The following C19orf12 variants were observed in gnomAD, a reference collection of about 807,000 sequenced individuals.
The protein encoded by C19orf12 is chromosome 19 open reading frame 12, also known as protein C19orf12.
Under a neutral mutation model 3.8 loss-of-function variants are expected in C19orf12, and 2 were observed. The observed-to-expected ratio is 0.53, with a 90% CI of 0.22 to 1.66. The LOEUF (loss-of-function observed/expected upper bound fraction) is 1.66, where lower values mean the gene tolerates loss of function less well. Ranked by LOEUF, C19orf12 falls within the 40% of genes most tolerant of loss-of-function variation. C19orf12 has a pLI of 0.20. For synonymous variants in C19orf12, 89 were observed against 84.6 expected, an observed-to-expected ratio of 1.05 and a Z score of -0.28; for missense variants, 156 against 188.8, an observed-to-expected ratio of 0.83 and a Z score of 1.02.
At chr19:29,715,294 C>T (rs1972904780), upstream of C19orf12, 2 of 397,532 alleles carry the variant, frequency 5.0e-6, no homozygotes, top group Non-Finnish European at 9.9e-6. Flanking sequence ...TCCGGCTGCG[C>T]CGGGCCTTCC....
intron 2 of C19orf12, 45 bp from the exon 3 acceptor site, chr19:29,703,022 C>T (rs761078102): frequency 2.8e-5 from 45 of 1,612,756 alleles, no homozygotes; most frequent in African/African-American, 1.2e-4. Context: ...TATTCATAAG[C>T]GATGGCCTTA....
chr19:29,712,448 T>C (rs943036933), intron 1 of C19orf12, among the ~76,000 whole-genome samples: 6 of 151,554 alleles, frequency 4.0e-5, no homozygotes, highest in African/African-American at 1.5e-4. Context: ...GAGGCTTGCA[T>C]GGCACTGATA....
At position 29,703,098 on chromosome 19, in the gene C19orf12, C is replaced by T. The variant is rs373456302; in HGVS notation, c.161-121G>A. The stretch of plus-strand genomic sequence containing the variant: ...AGGCACATTCATGAGCGGGCTGCAG[C>T]GGGCTCAGCCGGTGCCACGCCTGCT... On this transcript the variant is annotated intron_variant, in intron 2 of 2. Coordinates refer to ENST00000323670, the MANE Select transcript of C19orf12 (RefSeq NM_031448.6). 822 of 1,332,030 alleles carry T rather than the reference C, an allele frequency of 6.2e-4. 4 individuals carry two copies. The African/African-American group carries it at 0.011, about 17-fold the overall frequency. The allele number at this position is 1,332,030 out of a possible 1,614,324, so 82.5% of individuals were successfully genotyped here.
intron 1 of C19orf12, among the ~76,000 whole-genome samples, chr19:29,711,097 C>T (rs10425808): frequency 0.14 from 17,494 of 129,432 alleles, 1,501 homozygotes; most frequent in East Asian, 0.41. Context: ...TGGAGTGTAG[C>T]GGCGCGATCT....
intron 1 of C19orf12, among the ~76,000 whole-genome samples, chr19:29,713,079 A>G (rs947087280): frequency 6.6e-6 from 1 of 152,224 alleles, no homozygotes; most frequent in Non-Finnish European, 1.5e-5. Flanking sequence ...TAGTAACTCC[A>G]TCTCCTGAGC....
rs1421408924 is a variant in C19orf12, at chr19:29,708,347, C to G, written c.67G>C (p.Ala23Pro). The change falls in exon 2 of 3, where the codon GCG becomes CCG. Residue 23 changes from alanine to proline, a missense_variant. Transcript: ENST00000323670. ...CCCTTCCCAGAGTGCTTGACAGCCGCCTTCATCTTCCTCTCCCCAGAAAGG... is the reference window on the plus strand; with the variant it reads ...CCCTTCCCAGAGTGCTTGACAGCCGGCTTCATCTTCCTCTCCCCAGAAAGG... Reference protein sequence around the residue: ...CSLSGERKMKAAVKHSGKGAL... With the variant: ...CSLSGERKMKPAVKHSGKGAL... The G allele has an allele frequency of 6.2e-7, 1 of 1,614,164 alleles. No individual in the cohort carries two copies. Among genetic ancestry groups the G allele is most frequent in the South Asian group, 1.1e-5 (1 of 91,086 alleles).
chr19:29,702,402 G>A lies in C19orf12; in HGVS notation c.*310C>T. 1 of 574,478 alleles carries A rather than the reference G, an allele frequency of 1.7e-6. No homozygotes were observed. Among genetic ancestry groups the A allele is most frequent in the Non-Finnish European group, 3.3e-6 (1 of 304,866 alleles). 35.6% of individuals were successfully genotyped at this position (574,478 alleles called of 1,614,324 possible). A position where few individuals can be genotyped will look rare whatever the true frequency, so the allele number is the denominator to read the frequency against. On this transcript the variant is annotated 3_prime_UTR_variant, in exon 3 of 3. Transcript: ENST00000323670. ...AGCGTGATCACTTCCCCAGACCCAT[G>A]CGGGTGAGAGGACTCAGCAGACGCC...
Position 29,701,601 on chromosome 19 carries a change from T to G in C19orf12, c.*1111A>C, listed in dbSNP as rs767110273. 4 of 453,882 alleles carry G rather than the reference T, an allele frequency of 8.8e-6. No homozygotes were observed. The highest frequency in any genetic ancestry group is 6.2e-5 in the South Asian group (4 of 64,478). 28.1% of individuals were successfully genotyped at this position (453,882 alleles called of 1,614,324 possible). The stretch of plus-strand genomic sequence containing the variant: ...GACTGTACTGGGGAAATCTTTAGGG[T>G]AGAAACATTTCTTAGAGATGGTTTA... On this transcript the variant is annotated 3_prime_UTR_variant, in exon 3 of 3. Coordinates refer to ENST00000323670, the MANE Select transcript of C19orf12 (RefSeq NM_031448.6).
Position 29,699,863 on chromosome 19 carries a change from A to G in C19orf12, c.*2849T>C. On this transcript the variant is annotated 3_prime_UTR_variant, in exon 3 of 3. Transcript: ENST00000323670. ...ATTTCTACAAAGAAGATACAGATAT[A>G]TAAATACTAAAACCACAGGAGCTGA... 1 of 453,814 alleles carries G rather than the reference A, an allele frequency of 2.2e-6. No individual in the cohort carries two copies. Among genetic ancestry groups the G allele is most frequent in the South Asian group, 1.6e-5 (1 of 64,454 alleles). 28.1% of individuals were successfully genotyped at this position (453,814 alleles called of 1,614,324 possible).
intron 1 of C19orf12, among the ~76,000 whole-genome samples, chr19:29,709,172 A>C (rs1285846293): frequency 6.6e-6 from 1 of 152,260 alleles, no homozygotes; most frequent in East Asian, 1.9e-4. Context: ...AGACAAAGCA[A>C]CTGGAGAAAA....
Position 29,699,712 on chromosome 19 carries a change from CA to C in C19orf12, c.*2999del. The C allele has an allele frequency of 2.2e-6, 1 of 454,048 alleles. No homozygotes were observed. The highest frequency in any genetic ancestry group is 4.4e-6 in the Non-Finnish European group (1 of 226,790). The allele number at this position is 454,048 out of a possible 1,614,324, so 28.1% of individuals were successfully genotyped here. A position where few individuals can be genotyped will look rare whatever the true frequency, so the allele number is the denominator to read the frequency against. On this transcript the variant is annotated 3_prime_UTR_variant, in exon 3 of 3. Transcript: ENST00000323670. ...TTTAAAACAGAGTTAAAGGAATACA[CA>C]TGAAATTGGTAACAGTGGCTGCCTC...
chr19:29,713,629 A>AGCTTTGCTGGTG (rs1972797994), intron 1 of C19orf12, among the ~76,000 whole-genome samples: 1 of 152,208 alleles, frequency 6.6e-6, no homozygotes, highest in Non-Finnish European at 1.5e-5. Flanking sequence ...GGATCCCACC[A>AGCTTTGCTGGTG]GCAAACAGTT....
At chr19:29,708,888 C>T (rs1019380599) in intron 1 of C19orf12, among the ~76,000 whole-genome samples, 3 of 152,180 alleles carry the variant, frequency 2.0e-5, no homozygotes, top group Non-Finnish European at 4.4e-5. Context: ...TGTGACCACA[C>T]GGGCACTGAC....
Position 29,701,598 on chromosome 19 carries a change from G to T in C19orf12, c.*1114C>A, listed in dbSNP as rs1048123. 8.8e-6 allele frequency: 4 copies of T among 453,896 alleles called. No homozygotes were observed. Among genetic ancestry groups the T allele is most frequent in the Admixed American group, 2.4e-5 (1 of 42,550 alleles). The allele number at this position is 453,896 out of a possible 1,614,324, so 28.1% of individuals were successfully genotyped here. ...GCTGACTGTACTGGGGAAATCTTTA[G>T]GGTAGAAACATTTCTTAGAGATGGT... is the stretch of plus-strand genomic sequence containing the variant. On this transcript the variant is annotated 3_prime_UTR_variant, in exon 3 of 3. Coordinates refer to ENST00000323670, the MANE Select transcript of C19orf12 (RefSeq NM_031448.6).
chr19:29,714,417 G>C (rs1599557085), intron 1 of C19orf12, among the ~76,000 whole-genome samples: 4 of 152,120 alleles, frequency 2.6e-5, no homozygotes, highest in African/African-American at 9.6e-5. Context: ...TTGCTTGAAC[G>C]AGGGAGGTGG....
rs1234749337 is a variant in C19orf12 at position 29,701,658 on chromosome 19, C to T, written c.*1054G>A. 2.2e-6 allele frequency: 1 copy of T among 453,988 alleles called. No individual in the cohort carries two copies. Among genetic ancestry groups the T allele is most frequent in the Admixed American group, 2.3e-5 (1 of 42,570 alleles). 28.1% of individuals were successfully genotyped at this position (453,988 alleles called of 1,614,324 possible). On this transcript the variant is annotated 3_prime_UTR_variant, in exon 3 of 3. Transcript: ENST00000323670. ...ACCACTTCAGAAAGAGCAATACAGG[C>T]ATACCTCATTCTACTATGCTTTGTG...
At chr19:29,712,063 C>T (rs1288214143) in intron 1 of C19orf12, among the ~76,000 whole-genome samples, 1 of 152,140 alleles carries the variant, frequency 6.6e-6, no homozygotes, top group African/African-American at 2.4e-5. Context: ...GTGTGACATA[C>T]AGACATATGG....
intron 2 of C19orf12, among the ~76,000 whole-genome samples, chr19:29,704,325 C>T (rs974196874): frequency 1.3e-5 from 2 of 151,898 alleles, no homozygotes; most frequent in African/African-American, 4.8e-5. Context: ...AAAAATTAGC[C>T]AGGCATAGTG....
chr19:29,701,053 G>C lies in C19orf12; in HGVS notation c.*1659C>G, dbSNP rs1182087896. ...ATTACAAGCATGAGCCACCTCACCT[G>C]ACCTACTCTTGCATTCTTTAAAGCC... On this transcript the variant is annotated 3_prime_UTR_variant, in exon 3 of 3. Transcript: ENST00000323670. 2.2e-6 allele frequency: 1 copy of C among 454,132 alleles called. No individual in the cohort carries two copies. The highest frequency in any genetic ancestry group is 4.4e-6 in the Non-Finnish European group (1 of 226,800). The allele number at this position is 454,132 out of a possible 1,614,324, so 28.1% of individuals were successfully genotyped here.
Sources: allele counts gnomAD v4.1 joint callset (sites outside exome capture counted in the v4.1 genomes callset), GRCh38; gene constraint gnomAD v4.1.1; transcripts MANE v1.5; gene names NCBI Gene and HGNC (gene_info 2026-07-23, HGNC 2026-07-21).